Variants in BIRC6 observed in about 807,000 individuals in gnomAD.
BIRC6 encodes dual E2 ubiquitin-conjugating enzyme/E3 ubiquitin-protein ligase BIRC6.
In BIRC6, 98 loss-of-function variants were observed where a neutral mutation model predicts 503.3. The ratio of observed to expected loss-of-function variants is 0.19; its 90% CI spans 0.17 to 0.23. The LOEUF (loss-of-function observed/expected upper bound fraction) is 0.23, where lower values mean the gene tolerates loss of function less well. Among genes scored for constraint, BIRC6 ranks in the 10% least tolerant of loss-of-function variants. The pLI is 1.00. For synonymous variants in BIRC6, 2,240 were observed against 2,078.7 expected (o/e 1.08, Z -2.11); for missense variants, 5,360 against 5,806.0 (o/e 0.92, Z 2.50).
intron 12 of BIRC6, 85 bp downstream of exon 12, chr2:32,431,175 G>GTTT: frequency 1.1e-5 from 1 of 89,830 alleles, no homozygotes; most frequent in Non-Finnish European, 2.2e-5. Context: ...GTATATTACT[G>GTTT]TTTATCTTTT....
intron 26 of BIRC6, among the ~76,000 whole-genome samples, chr2:32,465,585 G>C (rs1477517158): frequency 6.6e-6 from 1 of 152,146 alleles, no homozygotes; most frequent in Non-Finnish European, 1.5e-5. Flanking sequence ...CCTAGGCTCT[G>C]AATAGTTTGA....
In BIRC6 at chr2:32,357,482, C is replaced by T. The variant is rs761446695; in HGVS notation, c.321C>T (p.Leu107=). The T allele has an allele frequency of 1.7e-5, 27 of 1,547,804 alleles. No homozygotes were observed. Among genetic ancestry groups the T allele is most frequent in the Non-Finnish European group, 2.4e-5 (27 of 1,146,162 alleles). ...GGGCCACACTGCAGGCCTCCGCGCT[C>T]AGTGGTGAGTCTTCCGCACGCCGGG... ...TSGATLQASA[L]SAKPGGQVKC... is the part of the protein sequence containing the mutation. Residue 107 remains leucine, a synonymous_variant, in exon 1 of 74, where the codon CTC becomes CTT. Transcript: ENST00000421745. This position sits in a 1 kb window ranked among gnomAD's most constrained non-coding sequence, Gnocchi z 4.9.
At position 32,600,756 on chromosome 2, in the gene BIRC6, G is replaced by A. The variant is rs549595160; in HGVS notation, c.13992+856G>A. 1.7e-3 allele frequency among the ~76,000 whole-genome samples: 255 copies of A among 152,264 alleles called. 1 individual carries two copies. The highest frequency in any genetic ancestry group is 5.7e-3 in the African/African-American group (236 of 41,554). On this transcript the variant is annotated intron_variant, in intron 70 of 73. Coordinates refer to ENST00000421745, the MANE Select transcript of BIRC6 (RefSeq NM_016252.4). ...ATGGTCTTTTACCATCATACTTACC[G>A]ATGTGTTCCTTGATACACACAATTG...
At chr2:32,479,244 A>G (rs768669099) in intron 36 of BIRC6, among the ~76,000 whole-genome samples, 5 of 152,212 alleles carry the variant, frequency 3.3e-5, no homozygotes, top group Non-Finnish European at 7.3e-5. Flanking sequence ...CTCTTTGTAC[A>G]TGTTATGTGT....
intron 57 of BIRC6, among the ~76,000 whole-genome samples, chr2:32,519,746 G>T (rs1417251668): frequency 1.3e-5 from 2 of 152,138 alleles, no homozygotes; most frequent in Non-Finnish European, 2.9e-5. Context: ...TCGAACTCCT[G>T]ACCTCAAGTG....
At chr2:32,463,433 GAAAAAGTACTTT>G (rs1204348710) in intron 24 of BIRC6, 52 bp downstream of exon 24, 2 of 1,469,888 alleles carry the variant, frequency 1.4e-6, no homozygotes, top group Non-Finnish European at 1.8e-6. Flanking sequence ...TTCAAAAGCT[GAAAAAGTACTTT>G]AAAAATGACC....
Position 32,441,357 on chromosome 2 carries a change from A to C in BIRC6, c.3839A>C (p.Asn1280Thr). 6.3e-7 allele frequency: 1 copy of C among 1,593,150 alleles called. No individual in the cohort carries two copies. The highest frequency in any genetic ancestry group is 1.3e-5 in the African/African-American group (1 of 74,648). Reference protein sequence around the residue: ...KEKSSNVKNENTSGTRKSENL... With the variant: ...KEKSSNVKNETTSGTRKSENL... ...AAATCATCTAATGTTAAGAATGAAA[A>C]TACAAGTGGCACCCGTAAATCTGAA... Residue 1280 changes from asparagine (N) to threonine (T), a missense_variant, in exon 17 of 74, where the codon AAT (asparagine) becomes ACT (threonine). Asn to Thr is a moderately conservative substitution (Grantham distance 65). Transcript: ENST00000421745.
At chr2:32,416,416 G>A (rs559298870) in intron 10 of BIRC6, among the ~76,000 whole-genome samples, 7 of 151,676 alleles carry the variant, frequency 4.6e-5, no homozygotes, top group Non-Finnish European at 7.4e-5. Flanking sequence ...AGAAAATCAC[G>A]TGCTTTTATT....
intron 1 of BIRC6, among the ~76,000 whole-genome samples, chr2:32,370,040 GTA>G (rs1349696253): frequency 3.0e-5 from 4 of 131,644 alleles, no homozygotes; most frequent in Non-Finnish European, 3.2e-5. Flanking sequence ...ATATATGTAT[GTA>G]TATATATGTG....
chr2:32,481,563 A>G (rs2149194472), intron 38 of BIRC6, 110 bp downstream of exon 38: 10 of 852,192 alleles, frequency 1.2e-5, no homozygotes, highest in South Asian at 5.2e-5. Context: ...TCAAGAGATC[A>G]AGACCATCCT....
chr2:32,523,965 G>C (rs140059577), intron 57 of BIRC6, among the ~76,000 whole-genome samples: 14 of 151,748 alleles, frequency 9.2e-5, no homozygotes, highest in African/African-American at 3.1e-4. Flanking sequence ...GATCACTTGA[G>C]CCTGGGATGT....
In BIRC6 at chr2:32,608,959, A is replaced by C. The variant is rs571297944; in HGVS notation, c.14259+1316A>C. 7.3e-5 allele frequency among the ~76,000 whole-genome samples: 11 copies of C among 151,644 alleles called. 1 individual carries two copies. In the South Asian group the frequency reaches 2.3e-3, roughly 32 times the overall value. ...CAGTGGCGGAATCTCGGCTTACTGC[A>C]CCCTCCGCCTCCCCGGTTCAAGTGA... On this transcript the variant is annotated intron_variant, in intron 72 of 73. Coordinates refer to ENST00000421745, the MANE Select transcript of BIRC6 (RefSeq NM_016252.4).
intron 10 of BIRC6, among the ~76,000 whole-genome samples, chr2:32,424,209 T>G (rs916960682): frequency 6.6e-6 from 1 of 152,080 alleles, no homozygotes; most frequent in Non-Finnish European, 1.5e-5. Flanking sequence ...TGTGCCTAAT[T>G]TATAAATTAA....
chr2:32,474,161 T>C (rs1324380775), intron 33 of BIRC6, among the ~76,000 whole-genome samples: 2 of 152,118 alleles, frequency 1.3e-5, no homozygotes, highest in Non-Finnish European at 2.9e-5. Context: ...TTTTGTTTTG[T>C]TTTTTATATT....
intron 57 of BIRC6, among the ~76,000 whole-genome samples, chr2:32,523,740 T>G (rs925010323): frequency 2.6e-5 from 4 of 152,244 alleles, no homozygotes; most frequent in East Asian, 3.8e-4. Flanking sequence ...GGGTCATAAT[T>G]GTGCTAAATT....
chr2:32,611,627 T>C (rs1241805831), intron 73 of BIRC6, 45 bp downstream of exon 73: 2 of 1,482,720 alleles, frequency 1.3e-6, no homozygotes, highest in Non-Finnish European at 1.8e-6. Context: ...TTAAGAGTTG[T>C]GTAATTATTG....
intron 1 of BIRC6, among the ~76,000 whole-genome samples, chr2:32,361,257 G>T (rs530833925): frequency 6.6e-6 from 1 of 152,030 alleles, no homozygotes; most frequent in Admixed American, 6.6e-5. Flanking sequence ...GTATAAACTC[G>T]AGTATTTTTG....
At chr2:32,569,817 T>C (rs756389133) in intron 65 of BIRC6, among the ~76,000 whole-genome samples, 2 of 152,160 alleles carry the variant, frequency 1.3e-5, no homozygotes, top group African/African-American at 2.4e-5. Context: ...ATGTATCAAA[T>C]CCAAGAGTTT....
Position 32,473,178 on chromosome 2 carries a change from G to A in BIRC6, c.6659G>A (p.Ser2220Asn). ...TQSLNRSSKG[S>N]SSLDRLYSRK... ...AGCTTAAATAGATCTTCTAAAGGCAGCAGTAGCCTTGATAGATTATATTCC... is the reference window on the plus strand; with the variant it reads ...AGCTTAAATAGATCTTCTAAAGGCAACAGTAGCCTTGATAGATTATATTCC... Residue 2220 changes from serine to asparagine, a missense_variant, in exon 33 of 74, where the codon AGC becomes AAC. This residue lies in a region of BIRC6 where 2,299 missense variants were observed against 2,267.2 expected (regional missense o/e 1.01). Coordinates refer to ENST00000421745, the MANE Select transcript of BIRC6 (RefSeq NM_016252.4). The A allele has an allele frequency of 1.3e-6, 2 of 1,569,226 alleles. No individual in the cohort carries two copies. The highest frequency in any genetic ancestry group is 1.7e-6 in the Non-Finnish European group (2 of 1,154,132).
Sources: gnomAD v4.1 joint callset for allele counts (sites outside exome capture counted in the v4.1 genomes callset) on GRCh38, gnomAD v4.1.1 for gene constraint, gnomAD v4.1.1 regional missense constraint, Gnocchi (gnomAD v3.1) non-coding constraint, MANE v1.5 for transcripts, NCBI Gene and HGNC (gene_info 2026-07-23, HGNC 2026-07-21) for gene names.